ZFHX3: variants seen among roughly 807,000 people sequenced by gnomAD.
ZFHX3 encodes zinc finger homeobox 3, also known as zinc finger homeobox protein 3.
In ZFHX3, 42 loss-of-function variants were observed where a neutral mutation model predicts 279.1. The observed-to-expected ratio is 0.15, with a 90% confidence interval of 0.12 to 0.19. ZFHX3 has a LOEUF of 0.19. Ranked by LOEUF, ZFHX3 falls within the 10% of genes least tolerant of loss-of-function variation. ZFHX3 has a pLI of 1.00. For synonymous variants in ZFHX3, 2,293 were observed against 1,957.8 expected (o/e 1.17, Z -4.52); for missense variants, 4,981 against 4,754.0 (o/e 1.05, Z -1.40).
At position 73,426,620 on chromosome 16, in the gene ZFHX3, C is replaced by T. The variant is rs188388635; in HGVS notation, c.-1291+29383G>A. Among the ~76,000 whole-genome samples the T allele has an allele frequency of 9.1e-4, 138 of 151,912 alleles. 1 individual carries two copies. Among genetic ancestry groups the T allele is most frequent in the Non-Finnish European group, 1.5e-3 (104 of 67,972 alleles). The stretch of plus-strand genomic sequence containing the variant: ...TGAGAGAGAGAGCCATTCATGCGTA[C>T]GTGCACTGATGAAGAAATATGTGTA... On this transcript the variant is annotated intron_variant, in intron 3 of 17. Transcript: ENST00000641206.
intron 1 of ZFHX3, among the ~76,000 whole-genome samples, chr16:73,040,381 T>C (rs1965067212): frequency 6.6e-6 from 1 of 152,166 alleles, no homozygotes; most frequent in South Asian, 2.1e-4. Context: ...TAATTAACTC[T>C]GCAAGTTGAT....
intron 3 of ZFHX3, among the ~76,000 whole-genome samples, chr16:72,898,291 G>A (rs964776111): frequency 1.3e-5 from 2 of 152,142 alleles, no homozygotes; most frequent in Admixed American, 6.5e-5. Context: ...AAGTAAAAAT[G>A]TTCCCTTAGA....
chr16:73,497,005 G>C (rs1483988656), intron 2 of ZFHX3, among the ~76,000 whole-genome samples: 1 of 152,186 alleles, frequency 6.6e-6, no homozygotes, highest in African/African-American at 2.4e-5. Context: ...TTCAGGCTGA[G>C]GGTGGTCACA....
chr16:73,159,552 C>T (rs779146981), intron 5 of ZFHX3, among the ~76,000 whole-genome samples: 1 of 152,100 alleles, frequency 6.6e-6, no homozygotes, highest in Non-Finnish European at 1.5e-5. Flanking sequence ...ACGGAGCCTA[C>T]TCCAGGCCAC....
chr16:73,268,494 G>A lies in ZFHX3; in HGVS notation c.-1193-11358C>T, dbSNP rs541975001. 1.2e-3 allele frequency among the ~76,000 whole-genome samples: 178 copies of A among 152,308 alleles called. 1 individual carries two copies. The highest frequency in any genetic ancestry group is 4.1e-3 in the African/African-American group (171 of 41,580). On this transcript the variant is annotated intron_variant, in intron 4 of 17. Coordinates refer to the ZFHX3 transcript ENST00000641206. ...CTCAGCCACTGGCGCTGCGCCCGACGCAGGGCATGGCTCTGAATGGCTCTG... is the reference window on the plus strand; with the variant it reads ...CTCAGCCACTGGCGCTGCGCCCGACACAGGGCATGGCTCTGAATGGCTCTG...
upstream of ZFHX3, among the ~76,000 whole-genome samples, chr16:73,050,479 G>A (rs1965429670): frequency 6.6e-6 from 1 of 152,340 alleles, no homozygotes; most frequent in Admixed American, 6.5e-5. Flanking sequence ...GTGATCTATG[G>A]CCTCTGTACA....
At chr16:73,735,906 T>G (rs1298556830) in intron 1 of ZFHX3, among the ~76,000 whole-genome samples, 25 of 150,016 alleles carry the variant, frequency 1.7e-4, no homozygotes, top group African/African-American at 5.9e-4. Context: ...TTTTTTTTTT[T>G]TTTTTTTTTT....
intron 1 of ZFHX3, among the ~76,000 whole-genome samples, chr16:73,855,216 CTTTTTTTTTTTTT>C (rs1032892286): frequency 9.0e-6 from 1 of 111,494 alleles, no homozygotes; most frequent in Non-Finnish European, 1.8e-5. Flanking sequence ...AGGCGTTAGC[CTTTTTTTTTTTTT>C]TTTTTTTTTT....
chr16:72,982,846 C>T (rs1039410839), intron 1 of ZFHX3, among the ~76,000 whole-genome samples: 11 of 152,154 alleles, frequency 7.2e-5, no homozygotes, highest in African/African-American at 1.2e-4. Flanking sequence ...ACTGACCACT[C>T]GGCTCAAAAG....
intron 4 of ZFHX3, among the ~76,000 whole-genome samples, chr16:72,843,371 C>T (rs1048801105): frequency 2.6e-5 from 4 of 151,858 alleles, no homozygotes; most frequent in South Asian, 2.1e-4. Context: ...ATTAGCCGGG[C>T]GTGGTGGCGG....
chr16:73,652,009 G>A (rs763951069), intron 2 of ZFHX3, among the ~76,000 whole-genome samples: 2 of 152,154 alleles, frequency 1.3e-5, no homozygotes, highest in African/African-American at 2.4e-5. Flanking sequence ...TTTTAAGAGT[G>A]TTTTAAACCC....
intron 2 of ZFHX3, among the ~76,000 whole-genome samples, chr16:73,542,117 T>C (rs2020026955): frequency 6.6e-6 from 1 of 152,054 alleles, no homozygotes; most frequent in Non-Finnish European, 1.5e-5. Flanking sequence ...GTGGTTCTTT[T>C]AGCTTAATGT....
chr16:73,791,594 T>G (rs1959826636), intron 1 of ZFHX3, among the ~76,000 whole-genome samples: 1 of 152,006 alleles, frequency 6.6e-6, no homozygotes, highest in Admixed American at 6.6e-5. Context: ...CCAGCTAATT[T>G]TTTGTATTTT....
chr16:73,480,439 C>T (rs1463438381), intron 2 of ZFHX3, among the ~76,000 whole-genome samples: 1 of 152,194 alleles, frequency 6.6e-6, no homozygotes, highest in African/African-American at 2.4e-5. Flanking sequence ...CCCCTCACCT[C>T]CCCTATTTTT....
At chr16:73,852,113 T>C (rs1298356900) in intron 1 of ZFHX3, among the ~76,000 whole-genome samples, 1 of 152,218 alleles carries the variant, frequency 6.6e-6, no homozygotes, top group African/African-American at 2.4e-5. Context: ...AGCAAATGAT[T>C]TAATGCTCAG....
At position 73,368,504 on chromosome 16, in the gene ZFHX3, G is replaced by A. The variant is rs114229727; in HGVS notation, c.-1290-50168C>T. Among the ~76,000 whole-genome samples the A allele has an allele frequency of 8.8e-3, 1,332 of 152,210 alleles. 16 individuals carry two copies. Among genetic ancestry groups the A allele is most frequent in the African/African-American group, 0.03 (1,259 of 41,514 alleles). Reference sequence around the variant, plus strand: ...GGTCAACATATCCCCAGACAGAATCGTATTTTAATTCAACAGCATTCAGTA... The same window carrying A: ...GGTCAACATATCCCCAGACAGAATCATATTTTAATTCAACAGCATTCAGTA... On this transcript the variant is annotated intron_variant, in intron 3 of 17. Transcript: ENST00000641206.
At chr16:73,348,929 A>G (rs2016171363) in intron 3 of ZFHX3, among the ~76,000 whole-genome samples, 1 of 152,330 alleles carries the variant, frequency 6.6e-6, no homozygotes, top group East Asian at 1.9e-4. Context: ...GTGGAAAATC[A>G]ATGACTTCAT....
At chr16:73,420,558 T>G (rs1261512744) in intron 3 of ZFHX3, 1 of 152,214 alleles carries the variant, frequency 6.6e-6, no homozygotes, top group Non-Finnish European at 1.5e-5. Flanking sequence ...AAGCGCATAT[T>G]GCCAAGACGG....
chr16:73,679,432 G>C (rs1241961793), intron 2 of ZFHX3: 1 of 152,154 alleles, frequency 6.6e-6, no homozygotes, highest in Admixed American at 6.5e-5. Context: ...TTCCTATGGG[G>C]ACAGCAAAGA....
Sources: gnomAD v4.1 joint callset for allele counts (sites outside exome capture counted in the v4.1 genomes callset) on GRCh38, gnomAD v4.1.1 for gene constraint, MANE v1.5 for transcripts, NCBI Gene and HGNC (gene_info 2026-07-23, HGNC 2026-07-21) for gene names.